Variants in PTPRD observed in about 807,000 individuals in gnomAD.
The protein encoded by PTPRD is receptor-type tyrosine-protein phosphatase delta.
A neutral mutation model predicts 214.5 loss-of-function variants in PTPRD; 34 were observed. The ratio of observed to expected loss-of-function variants is 0.16; its 90% CI spans 0.12 to 0.21. The LOEUF is 0.21. PTPRD is among the 10% of genes least tolerant of loss of function. PTPRD has a pLI of 1.00. For missense variants in PTPRD, 2,545 were observed against 2,398.7 expected (o/e 1.06, Z -1.27); for synonymous variants, 1,128 against 845.7 (o/e 1.33, Z -5.79).
At chr9:9,847,939 A>G (rs1405126242) in intron 5 of PTPRD, among the ~76,000 whole-genome samples, 2 of 152,126 alleles carry the variant, frequency 1.3e-5, no homozygotes. Context: ...ATCCTGCTAG[A>G]ACAGCCCCCA....
rs2134464970 is a variant in PTPRD at position 8,465,571 on chromosome 9, G to A, written c.3609C>T (p.Phe1203=). The change falls in exon 32 of 46, where the codon TTC becomes TTT. Residue 1203 remains phenylalanine, a synonymous_variant. Coordinates refer to ENST00000381196, the MANE Select transcript of PTPRD (RefSeq NM_002839.4). ...AAHFDVLPTE[F]TLGDDKHYGG... is the part of the protein sequence containing the mutation. Reference sequence around the variant, plus strand: ...CATAATGCTTGTCATCCCCCAGGGTGAACTCAGTGGGAAGGACATCAAAGT... The same window carrying A: ...CATAATGCTTGTCATCCCCCAGGGTAAACTCAGTGGGAAGGACATCAAAGT... 6.2e-7 allele frequency: 1 copy of A among 1,612,546 alleles called. No homozygotes were observed. Among genetic ancestry groups the A allele is most frequent in the Non-Finnish European group, 8.5e-7 (1 of 1,179,038 alleles).
intron 12 of PTPRD, chr9:8,713,855 G>A (rs1039776828): frequency 8.5e-6 from 11 of 1,295,666 alleles, no homozygotes; most frequent in Admixed American, 6.6e-5. Context: ...CAGGGCCCTC[G>A]CCCGGGTGCG....
chr9:10,154,083 C>T (rs1342698552), intron 3 of PTPRD, among the ~76,000 whole-genome samples: 1 of 152,104 alleles, frequency 6.6e-6, no homozygotes. Context: ...TTAATTTACA[C>T]TCCCTACAAC....
intron 3 of PTPRD, among the ~76,000 whole-genome samples, chr9:10,135,428 C>A (rs541637511): frequency 6.6e-6 from 1 of 152,016 alleles, no homozygotes. Context: ...ACATAGTCAT[C>A]GGATTCGCCA....
At chr9:9,294,841 T>C (rs1952464183) in intron 9 of PTPRD, among the ~76,000 whole-genome samples, 2 of 151,730 alleles carry the variant, frequency 1.3e-5, no homozygotes, top group Admixed American at 1.3e-4. Flanking sequence ...AGATTAGGCA[T>C]AAATTTTAAA....
At chr9:9,326,903 G>A (rs1426734961) in intron 9 of PTPRD, among the ~76,000 whole-genome samples, 1 of 152,160 alleles carries the variant, frequency 6.6e-6, no homozygotes, top group African/African-American at 2.4e-5. Context: ...TCTTGTCCCA[G>A]AAGCTAATTA....
At chr9:9,572,533 T>C (rs944272764) in intron 8 of PTPRD, among the ~76,000 whole-genome samples, 19 of 147,390 alleles carry the variant, frequency 1.3e-4, no homozygotes, top group African/African-American at 4.7e-4. Flanking sequence ...AAATCCTCTA[T>C]TGGATATATA....
rs34403806 is a variant in PTPRD at position 9,863,836 on chromosome 9, G to GA, written c.-368+74670dup. Among the ~76,000 whole-genome samples, 767 of 135,488 alleles carry GA rather than the reference G, an allele frequency of 5.7e-3. 12 individuals carry two copies. The highest frequency in any genetic ancestry group is 0.038 in the East Asian group (175 of 4,648). The allele number at this position is 135,488 out of a possible 152,430, so 88.9% of individuals were successfully genotyped here. The stretch of plus-strand genomic sequence containing the variant: ...CAGCAGCCAACCTACATGCAGGACG[G>GA]AAAAAAAAAAAAAAGCAGTACAAAG... On this transcript the variant is annotated intron_variant, in intron 5 of 45. Transcript: ENST00000381196.
intron 8 of PTPRD, among the ~76,000 whole-genome samples, chr9:9,426,628 C>T (rs1386992394): frequency 6.6e-6 from 1 of 152,206 alleles, no homozygotes; most frequent in Non-Finnish European, 1.5e-5. Flanking sequence ...ACCCTGACCC[C>T]CGAGTCGCCT....
chr9:9,374,996 T>C (rs968741660), intron 9 of PTPRD, among the ~76,000 whole-genome samples: 3 of 152,166 alleles, frequency 2.0e-5, no homozygotes, highest in Non-Finnish European at 4.4e-5. Context: ...ATCATAGAGA[T>C]TCAGTCATGC....
At chr9:8,827,590 G>T (rs938151630) in intron 11 of PTPRD, among the ~76,000 whole-genome samples, 1 of 152,180 alleles carries the variant, frequency 6.6e-6, no homozygotes, top group African/African-American at 2.4e-5. Flanking sequence ...CTGGGCAATA[G>T]AGTGAGACTC....
chr9:8,961,121 A>G (rs2099156464), intron 11 of PTPRD, among the ~76,000 whole-genome samples: 1 of 152,048 alleles, frequency 6.6e-6, no homozygotes, highest in South Asian at 2.1e-4. Flanking sequence ...GTAAAATCCA[A>G]AGTGGAAGGA....
At chr9:9,951,469 TA>T (rs1230217972) in intron 4 of PTPRD, among the ~76,000 whole-genome samples, 5 of 152,320 alleles carry the variant, frequency 3.3e-5, no homozygotes, top group East Asian at 3.9e-4. Flanking sequence ...AACTATGTCC[TA>T]GGGAGGGACA....
At chr9:8,400,030 G>GTCTT (rs142970096) in intron 36 of PTPRD, among the ~76,000 whole-genome samples, 20,338 of 151,948 alleles carry the variant, frequency 0.13, 1,492 homozygotes, top group African/African-American at 0.18. Flanking sequence ...ATAATGTCTT[G>GTCTT]TCTTTGTTGT....
intron 9 of PTPRD, among the ~76,000 whole-genome samples, chr9:9,334,073 C>T (rs2043446518): frequency 6.6e-6 from 1 of 151,790 alleles, no homozygotes; most frequent in East Asian, 1.9e-4. Context: ...AAAGAAAATG[C>T]CTAAGTGTAT....
chr9:9,942,071 C>T (rs1415956412), intron 4 of PTPRD, among the ~76,000 whole-genome samples: 1 of 152,150 alleles, frequency 6.6e-6, no homozygotes, highest in African/African-American at 2.4e-5. Flanking sequence ...ATCTAAGCCA[C>T]AGGAAATAGT....
chr9:9,329,404 G>T (rs531702521), intron 9 of PTPRD, among the ~76,000 whole-genome samples: 12 of 152,230 alleles, frequency 7.9e-5, no homozygotes, highest in Non-Finnish European at 1.3e-4. Context: ...AAAGAACACA[G>T]ATTCCATGCC....
chr9:9,352,800 T>G (rs2051959121), intron 9 of PTPRD, among the ~76,000 whole-genome samples: 1 of 151,994 alleles, frequency 6.6e-6, no homozygotes, highest in Non-Finnish European at 1.5e-5. Context: ...TGGAAGAAGA[T>G]TCTCTTCTTA....
intron 33 of PTPRD, among the ~76,000 whole-genome samples, chr9:8,459,805 C>T (rs989726284): frequency 6.6e-6 from 1 of 152,056 alleles, no homozygotes; most frequent in Non-Finnish European, 1.5e-5. Flanking sequence ...CTTGGCATCC[C>T]TTTTTGGACA....
Sources: allele counts gnomAD v4.1 joint callset (sites outside exome capture counted in the v4.1 genomes callset), GRCh38; gene constraint gnomAD v4.1.1; transcripts MANE v1.5; gene names NCBI Gene and HGNC (gene_info 2026-07-23, HGNC 2026-07-21).